The following ATP13A4 variants were observed in gnomAD, a reference collection of about 807,000 sequenced individuals.
The protein encoded by ATP13A4 is probable cation-transporting ATPase 13A4.
Under a neutral mutation model 142.5 loss-of-function variants are expected in ATP13A4, and 114 were observed. That is an observed-to-expected ratio of 0.80 (90% CI 0.69 to 0.93). ATP13A4 has a LOEUF of 0.93. Ranked by LOEUF, ATP13A4 falls within the 40% of genes least tolerant of loss-of-function variation. The pLI is 0.00. For missense variants in ATP13A4, 1,392 were observed against 1,454.0 expected (o/e 0.96, Z 0.69); for synonymous variants, 488 against 514.8 (o/e 0.95, Z 0.70).
Position 193,414,686 on chromosome 3 carries a change from T to C in ATP13A4, c.2907A>G (p.Pro969=). The C allele has an allele frequency of 6.2e-7, 1 of 1,613,904 alleles. No homozygotes were observed. Among genetic ancestry groups the C allele is most frequent in the Non-Finnish European group, 8.5e-7 (1 of 1,179,974 alleles). Residue 969 remains proline (P), a synonymous_variant, in exon 26 of 30, where the codon CCA becomes CCG. Coordinates refer to ENST00000342695, the MANE Select transcript of ATP13A4 (RefSeq NM_032279.4). ...TGAAAATCACAGAGAGTAGCAGAGG[T>C]GGAGAGATCAGCCGTCCTGCAGGTC... is the stretch of plus-strand genomic sequence containing the variant. ...PFRPAGRLIS[P]PLLLSVIFNI... is the part of the protein sequence containing the mutation.
At position 193,533,771 on chromosome 3, in the gene ATP13A4, T is replaced by C. The variant is rs146012749; in HGVS notation, c.61-18900A>G. Among the ~76,000 whole-genome samples, 11 of 152,288 alleles carry C rather than the reference T, an allele frequency of 7.2e-5. No individual in the cohort carries two copies. The East Asian group carries it at 2.1e-3, about 29-fold the overall frequency. On this transcript the variant is annotated intron_variant, in intron 1 of 29. Coordinates refer to ENST00000342695, the MANE Select transcript of ATP13A4 (RefSeq NM_032279.4). ...AACTTCCATCCTCACCAGACTGTAA[T>C]GAGGTCTTTCAACCTCCCTGCAAGG... is the stretch of plus-strand genomic sequence containing the variant.
chr3:193,427,831 A>G (rs1715749775), intron 25 of ATP13A4, among the ~76,000 whole-genome samples: 2 of 152,212 alleles, frequency 1.3e-5, no homozygotes, highest in Admixed American at 1.3e-4. Context: ...TAAAACCATA[A>G]AAACCCTAGA....
At position 193,466,169 on chromosome 3, in the gene ATP13A4, T is replaced by A; in HGVS notation, c.1128A>T (p.Ala376=). 6.2e-7 allele frequency: 1 copy of A among 1,613,986 alleles called. No individual in the cohort carries two copies. The highest frequency in any genetic ancestry group is 1.1e-5 in the South Asian group (1 of 91,072). ...GAATGGATCTCACAAGGTCTCCCTT[T>A]GCAGTGTTGAATCCTGGAACAACAA... is the stretch of plus-strand genomic sequence containing the variant. ...AVVLQTGFNT[A]KGDLVRSILY... The change falls in exon 11 of 30, where the codon GCA becomes GCT. Residue 376 remains alanine (A), a synonymous_variant. Transcript: ENST00000342695.
At chr3:193,456,380 G>T (rs1364940148) in intron 16 of ATP13A4, among the ~76,000 whole-genome samples, 1 of 152,120 alleles carries the variant, frequency 6.6e-6, no homozygotes, top group East Asian at 1.9e-4. Flanking sequence ...AGGATTCTGG[G>T]GCTGAGGGAG....
chr3:193,481,475 G>GT (rs1719290512), intron 8 of ATP13A4, among the ~76,000 whole-genome samples: 1 of 152,142 alleles, frequency 6.6e-6, no homozygotes, highest in Non-Finnish European at 1.5e-5. Context: ...TGCATAACCT[G>GT]TATCACTGCA....
intron 25 of ATP13A4, among the ~76,000 whole-genome samples, chr3:193,421,058 T>C (rs1414949919): frequency 1.3e-5 from 2 of 149,958 alleles, no homozygotes; most frequent in South Asian, 2.1e-4. Flanking sequence ...AATCCAGATA[T>C]ATGAATTTCA....
chr3:193,576,842 C>T (rs993457484), intron 2 of ATP13A4, among the ~76,000 whole-genome samples: 3 of 152,070 alleles, frequency 2.0e-5, no homozygotes, highest in Non-Finnish European at 4.4e-5. Context: ...GATATCGGTG[C>T]CTCCACCACT....
chr3:193,485,924 C>CAA (rs11384516), intron 7 of ATP13A4, among the ~76,000 whole-genome samples: 1,981 of 132,560 alleles, frequency 0.015, 32 homozygotes, highest in East Asian at 0.085. Context: ...GCTTATAAGC[C>CAA]AAAAAAAAAA....
Position 193,457,093 on chromosome 3 carries a change from T to G in ATP13A4, c.1822A>C (p.Met608Leu), listed in dbSNP as rs1424508081. Reference protein sequence around the residue: ...QFPFSSALQRMTVIVQEMGGD... With the variant: ...QFPFSSALQRLTVIVQEMGGD... ...CCCATCTCTTGGACAATGACTGTCATTCTTTGCAGTGCCGATGAGAATGGG... is the reference window on the plus strand; with the variant it reads ...CCCATCTCTTGGACAATGACTGTCAGTCTTTGCAGTGCCGATGAGAATGGG... Residue 608 changes from methionine (M) to leucine (L), a missense_variant, in exon 16 of 30, where the codon ATG (methionine) becomes CTG (leucine). By Grantham distance (15) the Met-to-Leu change is conservative. Coordinates refer to ENST00000342695, the MANE Select transcript of ATP13A4 (RefSeq NM_032279.4). 1.9e-6 allele frequency: 3 copies of G among 1,613,846 alleles called. No homozygotes were observed. Among genetic ancestry groups the G allele is most frequent in the African/African-American group, 2.7e-5 (2 of 74,938 alleles).
At chr3:193,506,962 T>C (rs1217372429) in intron 2 of ATP13A4, among the ~76,000 whole-genome samples, 1 of 152,162 alleles carries the variant, frequency 6.6e-6, no homozygotes, top group Non-Finnish European at 1.5e-5. Context: ...GACTAACACA[T>C]CTTGCTTAAC....
At chr3:193,527,979 C>T (rs1490566578) in intron 1 of ATP13A4, among the ~76,000 whole-genome samples, 1 of 152,164 alleles carries the variant, frequency 6.6e-6, no homozygotes, top group African/African-American at 2.4e-5. Context: ...GCTTGCAACC[C>T]CCTTACAGAT....
intron 8 of ATP13A4, among the ~76,000 whole-genome samples, chr3:193,482,695 C>T (rs554510827): frequency 6.5e-4 from 99 of 152,286 alleles, no homozygotes; most frequent in African/African-American, 1.3e-3. Flanking sequence ...ATTAAAACAA[C>T]GATGAGATAC....
chr3:193,563,609 G>A (rs1367942777), intron 2 of ATP13A4, among the ~76,000 whole-genome samples: 1 of 152,170 alleles, frequency 6.6e-6, no homozygotes, highest in Non-Finnish European at 1.5e-5. Flanking sequence ...AGTCAGCTGT[G>A]ATTGTGTAAT....
rs547732781 is a variant in ATP13A4, at chr3:193,455,203, A to T, written c.1916-991T>A. Among the ~76,000 whole-genome samples, 7 of 152,010 alleles carry T rather than the reference A, an allele frequency of 4.6e-5. No individual in the cohort carries two copies. In the South Asian group the frequency reaches 8.3e-4, roughly 18 times the overall value. On this transcript the variant is annotated intron_variant, in intron 16 of 29. Coordinates refer to ENST00000342695, the MANE Select transcript of ATP13A4 (RefSeq NM_032279.4). ...AATACAAAAAAAAATTAGCCGGGCGAGGTGGCGGGAGCCCGTAGTCCCAAC... is the reference window on the plus strand; with the variant it reads ...AATACAAAAAAAAATTAGCCGGGCGTGGTGGCGGGAGCCCGTAGTCCCAAC...
chr3:193,495,603 G>A (rs890855081), intron 3 of ATP13A4, among the ~76,000 whole-genome samples: 3 of 151,934 alleles, frequency 2.0e-5, no homozygotes, highest in African/African-American at 7.2e-5. Context: ...TAAAAGCCAT[G>A]CAAATCAACA....
intron 12 of ATP13A4, among the ~76,000 whole-genome samples, 175 bp from the exon 13 acceptor site, chr3:193,462,998 T>G (rs1049923095): frequency 6.6e-6 from 1 of 150,940 alleles, no homozygotes; most frequent in Non-Finnish European, 1.5e-5. Context: ...AAAAAAAAAA[T>G]CCAGTGGCCC....
Position 193,491,363 on chromosome 3 carries a change from TC to T in ATP13A4, c.568del (p.Glu190LysfsTer14). On this transcript the variant is annotated frameshift_variant, in exon 6 of 30. Transcript: ENST00000342695. LOFTEE classifies it high-confidence loss of function. ...GAGCAGTTTCCAAATTGGTGTAACT[TC>T]AACATCGATAGTATTAGGCCCACAT... is the stretch of plus-strand genomic sequence containing the variant. Reference protein sequence around the residue: ...LICGPNTIDVEVTPIWKLLIK... With the variant: ...LICGPNTIDVXVTPIWKLLIK... 6.2e-7 allele frequency: 1 copy of T among 1,601,730 alleles called. No homozygotes were observed. The highest frequency in any genetic ancestry group is 2.2e-5 in the East Asian group (1 of 44,742).
At chr3:193,418,582 A>T (rs957719520) in intron 25 of ATP13A4, among the ~76,000 whole-genome samples, 1 of 149,510 alleles carries the variant, frequency 6.7e-6, no homozygotes, top group Non-Finnish European at 1.5e-5. Context: ...TCTAGCCAGG[A>T]TCAGCTTAGA....
chr3:193,500,548 C>A (rs1395012808), intron 3 of ATP13A4, among the ~76,000 whole-genome samples: 1 of 152,128 alleles, frequency 6.6e-6, no homozygotes, highest in Non-Finnish European at 1.5e-5. Flanking sequence ...TAAGGAGCAC[C>A]GTAACCTAGA....
Sources: gnomAD v4.1 joint callset for allele counts (sites outside exome capture counted in the v4.1 genomes callset) on GRCh38, gnomAD v4.1.1 for gene constraint, MANE v1.5 for transcripts, NCBI Gene and HGNC (gene_info 2026-07-23, HGNC 2026-07-21) for gene names.